ZNF804B: variants seen among roughly 807,000 people sequenced by gnomAD.
ZNF804B encodes zinc finger protein 804B.
In ZNF804B, 80 loss-of-function variants were observed where a neutral mutation model predicts 101.4. The ratio of observed to expected loss-of-function variants is 0.79; its 90% CI spans 0.66 to 0.95. The LOEUF is 0.95. ZNF804B is among the 40% of genes least tolerant of loss of function. The pLI is 0.00. For synonymous variants in ZNF804B, 622 were observed against 558.8 expected (o/e 1.11, Z -1.59); for missense variants, 1,673 against 1,561.9 (o/e 1.07, Z -1.20).
chr7:89,024,067 T>G (rs531207414), intron 1 of ZNF804B, among the ~76,000 whole-genome samples: 18 of 152,158 alleles, frequency 1.2e-4, no homozygotes, highest in African/African-American at 3.6e-4. Context: ...CATTTTGCAT[T>G]AAAACAGTGA....
intron 1 of ZNF804B, among the ~76,000 whole-genome samples, chr7:88,786,537 T>A (rs940230270): frequency 6.6e-6 from 1 of 152,126 alleles, no homozygotes. Flanking sequence ...TTAGCTTAAT[T>A]TATTTTAATT....
chr7:88,813,296 G>A (rs1420750629), intron 1 of ZNF804B, among the ~76,000 whole-genome samples: 1 of 151,534 alleles, frequency 6.6e-6, no homozygotes, highest in Non-Finnish European at 1.5e-5. Context: ...GCGTGGTGGC[G>A]GGCGCATGTA....
intron 1 of ZNF804B, among the ~76,000 whole-genome samples, chr7:88,870,384 CAAAAAA>C (rs1212123301): frequency 5.5e-5 from 2 of 36,080 alleles, no homozygotes; most frequent in East Asian, 6.1e-4. Context: ...AACTCCGTCT[CAAAAAA>C]AAAAAAAAAA....
chr7:89,289,208 A>C (rs1438278766), intron 2 of ZNF804B, among the ~76,000 whole-genome samples: 1 of 152,172 alleles, frequency 6.6e-6, no homozygotes, highest in Non-Finnish European at 1.5e-5. Context: ...AAATATTAGC[A>C]AAGTAGTAGC....
chr7:89,130,900 T>C, intron 1 of ZNF804B, among the ~76,000 whole-genome samples: 1 of 151,976 alleles, frequency 6.6e-6, no homozygotes, highest in East Asian at 1.9e-4. Flanking sequence ...CTTATCCCAA[T>C]CTTCCTGTAT....
At chr7:89,086,664 T>C (rs980266048) in intron 1 of ZNF804B, among the ~76,000 whole-genome samples, 2 of 151,998 alleles carry the variant, frequency 1.3e-5, no homozygotes, top group Admixed American at 6.6e-5. Flanking sequence ...ACAATCATAT[T>C]TGGCAAAGGT....
At chr7:88,930,640 T>C (rs558894647) in intron 1 of ZNF804B, among the ~76,000 whole-genome samples, 1 of 151,962 alleles carries the variant, frequency 6.6e-6, no homozygotes, top group African/African-American at 2.4e-5. Flanking sequence ...AATTAAGACA[T>C]CGTGTTTTGT....
intron 1 of ZNF804B, among the ~76,000 whole-genome samples, chr7:89,006,198 CA>C (rs1788367423): frequency 6.6e-6 from 1 of 151,922 alleles, no homozygotes. Context: ...ATTTTCACTA[CA>C]AAATCCTTTT....
chr7:89,070,767 A>T (rs1485273306), intron 1 of ZNF804B, among the ~76,000 whole-genome samples: 1 of 152,150 alleles, frequency 6.6e-6, no homozygotes, highest in Non-Finnish European at 1.5e-5. Flanking sequence ...AATTGATTTT[A>T]TAAGGACCAT....
At chr7:89,014,600 G>T (rs898703361) in intron 1 of ZNF804B, among the ~76,000 whole-genome samples, 1 of 152,204 alleles carries the variant, frequency 6.6e-6, no homozygotes, top group African/African-American at 2.4e-5. Context: ...ACAGGTGTGA[G>T]CCACCGCGCC....
chr7:88,990,959 A>T (rs1793836374), intron 1 of ZNF804B, among the ~76,000 whole-genome samples: 1 of 152,086 alleles, frequency 6.6e-6, no homozygotes, highest in Non-Finnish European at 1.5e-5. Flanking sequence ...GGTAGGAATG[A>T]TCAAACCCAA....
rs766764845 is a variant in ZNF804B at position 89,335,793 on chromosome 7, T to C, written c.2811T>C (p.Cys937=). The change falls in exon 4 of 4, where the codon TGT becomes TGC. Residue 937 remains cysteine (C), a synonymous_variant. Transcript: ENST00000333190. ...ILLERVQAKK[C]QEQSSNVEIS... ...TAGAAAGAGTACAAGCCAAGAAATG[T>C]CAAGAACAATCAAGTAATGTTGAGA... is the stretch of plus-strand genomic sequence containing the variant. The C allele has an allele frequency of 3.7e-6, 6 of 1,614,052 alleles. No homozygotes were observed. The East Asian group carries it at 1.1e-4, about 30-fold the overall frequency.
chr7:89,027,753 C>T (rs1356535583), intron 1 of ZNF804B, among the ~76,000 whole-genome samples: 1 of 152,088 alleles, frequency 6.6e-6, no homozygotes, highest in Admixed American at 6.6e-5. Context: ...AACGGCAAGG[C>T]CCTAAAATCT....
chr7:88,779,161 G>C (rs1245070537), intron 1 of ZNF804B, among the ~76,000 whole-genome samples: 1 of 152,138 alleles, frequency 6.6e-6, no homozygotes, highest in Non-Finnish European at 1.5e-5. Context: ...TGGCTTTAGG[G>C]CTCATCTCCA....
chr7:89,176,103 A>G (rs1054212478), intron 1 of ZNF804B, among the ~76,000 whole-genome samples: 2 of 151,960 alleles, frequency 1.3e-5, no homozygotes, highest in African/African-American at 4.8e-5. Context: ...GTTGAATAAC[A>G]GTGCTGAAAG....
rs151176573 is a variant in ZNF804B at position 89,334,452 on chromosome 7, A to C, written c.1470A>C (p.Glu490Asp). 4 of 1,613,772 alleles carry C rather than the reference A, an allele frequency of 2.5e-6. No homozygotes were observed. Among genetic ancestry groups the C allele is most frequent in the Non-Finnish European group, 3.4e-6 (4 of 1,179,828 alleles). The change falls in exon 4 of 4, where the codon GAA becomes GAC. Residue 490 changes from glutamate to aspartate, a missense_variant. Physicochemically the swap from Glu to Asp is conservative, Grantham distance 45. Coordinates refer to ENST00000333190, the MANE Select transcript of ZNF804B (RefSeq NM_181646.5). ...TTAAGCTTTCTCGGAACACAAAGGA[A>C]GACCACAATCTAGAGGACTTAAAAA... ...FDFKLSRNTK[E>D]DHNLEDLKTE...
chr7:89,297,615 C>A (rs142026514), intron 2 of ZNF804B, among the ~76,000 whole-genome samples: 3 of 151,880 alleles, frequency 2.0e-5, no homozygotes, highest in Non-Finnish European at 4.4e-5. Context: ...GGGTAGGGTA[C>A]CTTTCCTTTT....
At chr7:88,773,563 A>G (rs751100631) in intron 1 of ZNF804B, among the ~76,000 whole-genome samples, 9 of 152,210 alleles carry the variant, frequency 5.9e-5, no homozygotes, top group Non-Finnish European at 1.2e-4. Flanking sequence ...TAATACTGGG[A>G]AGTAACACTA....
intron 2 of ZNF804B, among the ~76,000 whole-genome samples, chr7:89,322,772 C>T (rs568461960): frequency 6.6e-6 from 1 of 152,260 alleles, no homozygotes; most frequent in Non-Finnish European, 1.5e-5. Flanking sequence ...AAACTGAATT[C>T]ATGATTTAAC....
Sources: allele counts gnomAD v4.1 joint callset (sites outside exome capture counted in the v4.1 genomes callset), GRCh38; gene constraint gnomAD v4.1.1; transcripts MANE v1.5; gene names NCBI Gene and HGNC (gene_info 2026-07-23, HGNC 2026-07-21).